Variants in RYR2 observed in about 807,000 individuals in gnomAD.
RYR2 encodes the protein ryanodine receptor 2.
Under a neutral mutation model 601.1 loss-of-function variants are expected in RYR2, and 227 were observed. That is an observed-to-expected ratio of 0.38 (90% CI 0.34 to 0.42). The LOEUF (loss-of-function observed/expected upper bound fraction) is 0.42. RYR2 is among the 10% of genes least tolerant of loss of function. The pLI is 1.00. For missense variants in RYR2, 4,646 were observed against 6,156.5 expected (o/e 0.75, Z 8.21); for synonymous variants, 2,223 against 2,175.1 (o/e 1.02, Z -0.61).
chr1:237,377,474 C>A, intron 8 of RYR2, 39 bp downstream of exon 8: 3 of 1,427,012 alleles, frequency 2.1e-6, no homozygotes, highest in Non-Finnish European at 3.0e-6. Context: ...TGCTGATATG[C>A]TAAATGACAA....
intron 24 of RYR2, among the ~76,000 whole-genome samples, chr1:237,529,882 A>G (rs1436126070): frequency 6.6e-6 from 1 of 151,994 alleles, no homozygotes; most frequent in African/African-American, 2.4e-5. Flanking sequence ...TAGAGGAAGG[A>G]AACAGAATTA....
At chr1:237,469,058 CA>C (rs761760823) in intron 16 of RYR2, 33 bp from the exon 17 acceptor site, 3 of 1,569,462 alleles carry the variant, frequency 1.9e-6, no homozygotes, top group Non-Finnish European at 2.6e-6. Context: ...GCTAGAAAAT[CA>C]CATAAAGGTG....
chr1:237,827,247 G>A (rs1663203121), intron 101 of RYR2, among the ~76,000 whole-genome samples: 1 of 152,288 alleles, frequency 6.6e-6, no homozygotes, highest in African/African-American at 2.4e-5. Context: ...GCAGGTCTCA[G>A]GAGGGAAAAG....
At chr1:237,421,234 G>A (rs1028359624) in intron 11 of RYR2, among the ~76,000 whole-genome samples, 5 of 152,082 alleles carry the variant, frequency 3.3e-5, no homozygotes, top group African/African-American at 9.7e-5. Context: ...GCGAGACTCC[G>A]TCTCAAAATA....
intron 58 of RYR2, among the ~76,000 whole-genome samples, chr1:237,669,849 C>T (rs1334280588): frequency 2.0e-5 from 3 of 151,518 alleles, no homozygotes; most frequent in African/African-American, 4.9e-5. Flanking sequence ...AGATGATGGG[C>T]GGCCAGGCAG....
chr1:237,409,281 T>C (rs1215905928), intron 10 of RYR2, among the ~76,000 whole-genome samples: 2 of 152,142 alleles, frequency 1.3e-5, no homozygotes, highest in East Asian at 3.8e-4. Context: ...GAGTATGGTG[T>C]TGGCTGTAGG....
At position 237,246,720 on chromosome 1, in the gene RYR2, A is replaced by G. The variant is rs535073012; in HGVS notation, c.49-23777A>G. Among the ~76,000 whole-genome samples the G allele has an allele frequency of 8.6e-4, 131 of 152,132 alleles. No individual in the cohort carries two copies. The South Asian group carries it at 0.026, about 30-fold the overall frequency. ...TTTTACTTATTTTAAAAGTAATTGA[A>G]TCTTCCTCTCCTTTCATATATTTTT... On this transcript the variant is annotated intron_variant, in intron 1 of 104. Transcript: ENST00000366574.
intron 10 of RYR2, among the ~76,000 whole-genome samples, chr1:237,414,388 A>T (rs961760417): frequency 2.0e-5 from 3 of 152,124 alleles, no homozygotes; most frequent in Admixed American, 2.0e-4. Context: ...ATCACCTGGG[A>T]ATTTGTTGGA....
At chr1:237,713,820 ACT>A (rs1689039790) in intron 71 of RYR2, among the ~76,000 whole-genome samples, 3 of 151,758 alleles carry the variant, frequency 2.0e-5, no homozygotes, top group Admixed American at 2.0e-4. Context: ...ATACAATTGT[ACT>A]CTGTTTTTTT....
intron 1 of RYR2, among the ~76,000 whole-genome samples, chr1:237,095,590 C>CTACAG (rs1318736799): frequency 1.3e-5 from 2 of 152,224 alleles, no homozygotes; most frequent in African/African-American, 4.8e-5. Flanking sequence ...TACAGAGCAT[C>CTACAG]CCCCTAGCCT....
At chr1:237,382,254 T>C (rs1453103442) in intron 8 of RYR2, among the ~76,000 whole-genome samples, 1 of 152,202 alleles carries the variant, frequency 6.6e-6, no homozygotes, top group Non-Finnish European at 1.5e-5. Flanking sequence ...TGATTGAAAA[T>C]ATATTAGGAA....
chr1:237,160,320 G>A (rs1675865015), intron 1 of RYR2, among the ~76,000 whole-genome samples: 2 of 152,144 alleles, frequency 1.3e-5, no homozygotes, highest in Admixed American at 1.3e-4. Context: ...GTGCCAATAT[G>A]ATTCAACAAT....
chr1:237,308,315 G>C (rs1329578391), intron 2 of RYR2, among the ~76,000 whole-genome samples: 1 of 152,126 alleles, frequency 6.6e-6, no homozygotes, highest in Non-Finnish European at 1.5e-5. Context: ...TTGTACCTAG[G>C]GTGGACACGT....
chr1:237,417,514 T>C (rs925475406), intron 11 of RYR2, among the ~76,000 whole-genome samples: 1 of 152,182 alleles, frequency 6.6e-6, no homozygotes, highest in Non-Finnish European at 1.5e-5. Context: ...TCTGACAGAC[T>C]GTGGATTTAA....
At chr1:237,354,645 G>C (rs1208938100) in intron 3 of RYR2, among the ~76,000 whole-genome samples, 1 of 151,854 alleles carries the variant, frequency 6.6e-6, no homozygotes, top group Non-Finnish European at 1.5e-5. Context: ...TTTGCCCCAG[G>C]ATCTAAAGGA....
At chr1:237,055,273 C>T (rs1661843949) in intron 1 of RYR2, among the ~76,000 whole-genome samples, 1 of 151,994 alleles carries the variant, frequency 6.6e-6, no homozygotes, top group South Asian at 2.1e-4. Context: ...GGGATTTGTT[C>T]TTAATTCATA....
chr1:237,423,339 A>G (rs1705784753), intron 12 of RYR2, 91 bp downstream of exon 12: 1 of 1,378,304 alleles, frequency 7.3e-7, no homozygotes, highest in African/African-American at 1.5e-5. Flanking sequence ...GAGAAAATAA[A>G]TGATGTAAGT....
At position 237,493,094 on chromosome 1, in the gene RYR2, T is replaced by G. The variant is rs550283958; in HGVS notation, c.1961+7T>G. The G allele has an allele frequency of 1.9e-6, 3 of 1,613,522 alleles. No individual in the cohort carries two copies. In the South Asian group the frequency reaches 3.3e-5, roughly 18 times the overall value. ...TTGTGAACCATGTCAGCAGGTAAAT[T>G]CAGACAGACAATGTCACCTGACAGG... On this transcript the variant is annotated splice_region_variant and intron_variant, in intron 19 of 104. Coordinates refer to ENST00000366574, the MANE Select transcript of RYR2 (RefSeq NM_001035.3).
chr1:237,357,157 G>A (rs1056960282), intron 4 of RYR2, among the ~76,000 whole-genome samples: 10 of 151,940 alleles, frequency 6.6e-5, no homozygotes, highest in African/African-American at 2.2e-4. Flanking sequence ...ATATTGCTGA[G>A]AATAATTTGA....
Sources: gnomAD v4.1 joint callset for allele counts (sites outside exome capture counted in the v4.1 genomes callset) on GRCh38, gnomAD v4.1.1 for gene constraint, MANE v1.5 for transcripts, NCBI Gene and HGNC (gene_info 2026-07-23, HGNC 2026-07-21) for gene names.